The following APBA2 variants were observed in gnomAD, a reference collection of about 807,000 sequenced individuals.
The protein encoded by APBA2 is amyloid-beta A4 precursor protein-binding family A member 2.
In APBA2, 30 loss-of-function variants were observed where a neutral mutation model predicts 75.0. That is an observed-to-expected ratio of 0.40 (90% confidence interval 0.30 to 0.54). The LOEUF (loss-of-function observed/expected upper bound fraction) is 0.54, where lower values mean the gene tolerates loss of function less well. APBA2 is among the 20% of genes least tolerant of loss of function. The pLI is 0.49. For missense variants in APBA2, 801 were observed against 1,016.1 expected, an observed-to-expected ratio of 0.79 and a Z score of 2.88; for synonymous variants, 444 against 409.6, an observed-to-expected ratio of 1.08 and a Z score of -1.01.
At chr15:28,898,782 C>G (rs929841659) in intron 1 of APBA2, among the ~76,000 whole-genome samples, 1 of 152,140 alleles carries the variant, frequency 6.6e-6, no homozygotes, top group Non-Finnish European at 1.5e-5. Context: ...TCTTCTACTG[C>G]TAGAACAATA....
chr15:28,955,150 A>G (rs1393731287), intron 2 of APBA2, among the ~76,000 whole-genome samples: 3 of 152,092 alleles, frequency 2.0e-5, no homozygotes, highest in South Asian at 2.1e-4. Context: ...TAAAAAATAC[A>G]TTTTACTTAA....
chr15:28,895,777 G>A (rs917422971), intron 1 of APBA2, among the ~76,000 whole-genome samples: 1 of 152,002 alleles, frequency 6.6e-6, no homozygotes, highest in Non-Finnish European at 1.5e-5. Flanking sequence ...ACTTTCATGC[G>A]CCATAACTGG....
chr15:28,985,420 A>G (rs890602513), intron 2 of APBA2, among the ~76,000 whole-genome samples: 3 of 152,218 alleles, frequency 2.0e-5, no homozygotes, highest in East Asian at 1.9e-4. Flanking sequence ...AGCCGAGGTC[A>G]GAGAGCACTG....
chr15:28,901,031 C>T (rs1162444629), intron 1 of APBA2, among the ~76,000 whole-genome samples: 1 of 152,170 alleles, frequency 6.6e-6, no homozygotes, highest in African/African-American at 2.4e-5. Flanking sequence ...GCTCCACACC[C>T]CGTCCCATGT....
intron 6 of APBA2, among the ~76,000 whole-genome samples, chr15:29,083,354 T>C (rs1210308196): frequency 6.6e-6 from 1 of 152,176 alleles, no homozygotes; most frequent in East Asian, 1.9e-4. Context: ...AGGTTCCAGA[T>C]CCAGGCTGCT....
intron 14 of APBA2, 91 bp downstream of exon 14, chr15:29,114,107 G>T: frequency 6.3e-7 from 1 of 1,577,266 alleles, no homozygotes; most frequent in East Asian, 2.2e-5. Context: ...AGAGGACACA[G>T]GGCATCTGAA....
rs1033605412 is a variant in APBA2 at position 29,076,156 on chromosome 15, T to G, written c.1069+65T>G. On this transcript the variant is annotated intron_variant, in intron 6 of 14. Transcript: ENST00000683413. Reference sequence around the variant, plus strand: ...ATTTTACATCAAAATAAATGGTGCTTTTAGTTTGGGCATTCACCTGCAAAG... The same window carrying G: ...ATTTTACATCAAAATAAATGGTGCTGTTAGTTTGGGCATTCACCTGCAAAG... The G allele has an allele frequency of 1.9e-6, 3 of 1,547,964 alleles. No homozygotes were observed. In the Admixed American group the frequency reaches 5.0e-5, roughly 26 times the overall value.
intron 1 of APBA2, among the ~76,000 whole-genome samples, chr15:28,904,640 C>G (rs2033045394): frequency 6.6e-6 from 1 of 152,190 alleles, no homozygotes; most frequent in Non-Finnish European, 1.5e-5. Context: ...CACCATTGAG[C>G]AGCATCCAGC....
At chr15:28,982,191 C>T (rs1013377237) in intron 2 of APBA2, among the ~76,000 whole-genome samples, 1 of 152,172 alleles carries the variant, frequency 6.6e-6, no homozygotes, top group Admixed American at 6.5e-5. Flanking sequence ...AAAAGTGGGC[C>T]TTCCCCGCCC....
intron 1 of APBA2, among the ~76,000 whole-genome samples, chr15:28,897,987 A>T (rs2032610778): frequency 6.6e-6 from 1 of 152,206 alleles, no homozygotes; most frequent in Non-Finnish European, 1.5e-5. Flanking sequence ...CAAGGATCGT[A>T]TAAGAGAGAG....
At chr15:28,945,747 C>G (rs896601437) in intron 2 of APBA2, among the ~76,000 whole-genome samples, 4 of 152,158 alleles carry the variant, frequency 2.6e-5, no homozygotes, top group African/African-American at 7.2e-5. Context: ...CTCCTGACCT[C>G]AGGTGATCAG....
Position 29,116,462 on chromosome 15 carries a change from TA to T in APBA2, c.2179-594del, listed in dbSNP as rs372701148. Among the ~76,000 whole-genome samples, 836 of 151,616 alleles carry T rather than the reference TA, an allele frequency of 5.5e-3. 9 individuals are homozygous for T. Among genetic ancestry groups the T allele is most frequent in the African/African-American group, 0.017 (722 of 41,408 alleles). On this transcript the variant is annotated intron_variant, in intron 14 of 14. Coordinates refer to ENST00000683413, the MANE Select transcript of APBA2 (RefSeq NM_001353788.2). ...TAACACGGTGAAACCCCGTCTCTGC[TA>T]AAAAATACAAAAAAATTCGCTGGGT...
intron 4 of APBA2, among the ~76,000 whole-genome samples, chr15:29,072,806 G>A (rs2042683890): frequency 1.3e-5 from 2 of 152,156 alleles, no homozygotes; most frequent in African/African-American, 4.8e-5. Context: ...CTCAGGGGTA[G>A]GGGCAGCAGG....
At chr15:28,944,639 G>C (rs533656330) in intron 2 of APBA2, among the ~76,000 whole-genome samples, 1,660 of 152,342 alleles carry the variant, frequency 0.011, 17 homozygotes, top group Admixed American at 0.019. Context: ...TGTGCTGCTC[G>C]GCGTGCCGAA....
intron 2 of APBA2, among the ~76,000 whole-genome samples, chr15:28,923,991 A>C (rs1823420534): frequency 1.3e-5 from 2 of 152,236 alleles, no homozygotes; most frequent in African/African-American, 4.8e-5. Flanking sequence ...GAGAAGATGC[A>C]GAAAGGCTGT....
At chr15:28,900,718 C>T (rs764048635) in intron 1 of APBA2, among the ~76,000 whole-genome samples, 1 of 152,136 alleles carries the variant, frequency 6.6e-6, no homozygotes, top group Non-Finnish European at 1.5e-5. Flanking sequence ...TGTCCTGTTT[C>T]CCTGTCAGGA....
At chr15:28,948,395 T>A (rs1023032250) in intron 2 of APBA2, among the ~76,000 whole-genome samples, 1 of 147,266 alleles carries the variant, frequency 6.8e-6, no homozygotes, top group Non-Finnish European at 1.5e-5. Flanking sequence ...AAAAAAAAAA[T>A]TAAAACTCTG....
At chr15:29,012,488 G>T (rs574647999) in intron 3 of APBA2, among the ~76,000 whole-genome samples, 2 of 152,066 alleles carry the variant, frequency 1.3e-5, no homozygotes, top group South Asian at 4.1e-4. Context: ...ACCCTCAATC[G>T]TCTGAGTGTT....
chr15:29,115,171 C>T (rs1307672800), intron 14 of APBA2, among the ~76,000 whole-genome samples: 1 of 142,626 alleles, frequency 7.0e-6, no homozygotes, highest in African/African-American at 2.6e-5. Context: ...GGGACAGCAG[C>T]AGCAGGCCGG....
Sources: allele counts gnomAD v4.1 joint callset (sites outside exome capture counted in the v4.1 genomes callset), GRCh38; gene constraint gnomAD v4.1.1; transcripts MANE v1.5; gene names NCBI Gene and HGNC (gene_info 2026-07-23, HGNC 2026-07-21).